The following ARNT variants were observed in gnomAD, a reference collection of about 807,000 sequenced individuals.
ARNT encodes class E basic helix-loop-helix protein 2.
A neutral mutation model predicts 105.0 loss-of-function variants in ARNT; 30 were observed. The ratio of observed to expected loss-of-function variants is 0.29; its 90% CI spans 0.21 to 0.39. ARNT has a LOEUF of 0.39. Among genes scored for constraint, ARNT ranks in the 10% least tolerant of loss-of-function variants. The probability of loss-of-function intolerance (pLI) is 1.00; values close to 1 mark genes in which losing one functional copy is unlikely to be tolerated. For synonymous variants in ARNT, 304 were observed against 344.0 expected, an observed-to-expected ratio of 0.88 and a Z score of 1.29; for missense variants, 748 against 978.7, an observed-to-expected ratio of 0.76 and a Z score of 3.15.
chr1:150,816,806 CG>C lies in ARNT; in HGVS notation c.1783del (p.Arg595GlyfsTer11), dbSNP rs2101605420. 3.8e-6 allele frequency: 6 copies of C among 1,582,122 alleles called. No individual in the cohort carries two copies. The highest frequency in any genetic ancestry group is 4.2e-5 in the Admixed American group (2 of 47,332). On this transcript the variant is annotated frameshift_variant, in exon 18 of 22. Transcript: ENST00000358595. LOFTEE classifies it high-confidence loss of function. ...SQGNTFPPTP[R>X]PAENFRNSGL... ...GGCTCACCTGAAATTCTCTGCCGGC[CG>C]GGGGGTAGGAGGGAATGTGTTGCCC... is the stretch of plus-strand genomic sequence containing the variant.
At chr1:150,876,118 G>A (rs1050302255) in intron 1 of ARNT, among the ~76,000 whole-genome samples, 1 of 152,252 alleles carries the variant, frequency 6.6e-6, no homozygotes, top group Non-Finnish European at 1.5e-5. Context: ...CTAAAGAGCA[G>A]TGTGGTCCAG....
At chr1:150,870,827 C>T (rs1020239407) in intron 1 of ARNT, among the ~76,000 whole-genome samples, 1 of 151,664 alleles carries the variant, frequency 6.6e-6, no homozygotes, top group Non-Finnish European at 1.5e-5. Flanking sequence ...ACTGTTGAAT[C>T]CATAAACTTA....
chr1:150,821,828 C>CTTTTT (rs367766946), intron 14 of ARNT, among the ~76,000 whole-genome samples: 14 of 114,896 alleles, frequency 1.2e-4, no homozygotes, highest in East Asian at 2.4e-4. Context: ...TTTGTATTTT[C>CTTTTT]TTTTTTTTTT....
rs1017535260 is a variant in ARNT, at chr1:150,811,483, C to T, written c.*538G>A. ...GCACACACACACACACACACATACA[C>T]ACACACTCTCTCTCACTTACTCACA... is the stretch of plus-strand genomic sequence containing the variant. On this transcript the variant is annotated 3_prime_UTR_variant, in exon 22 of 22. Transcript: ENST00000358595. 25 of 218,282 alleles carry T rather than the reference C, an allele frequency of 1.1e-4. No homozygotes were observed. The highest frequency in any genetic ancestry group is 6.3e-4 in the African/African-American group (23 of 36,382). The allele number at this position is 218,282 out of a possible 1,614,324, so 13.5% of individuals were successfully genotyped here. A position where few individuals can be genotyped will look rare whatever the true frequency, so the allele number is the denominator to read the frequency against.
intron 2 of ARNT, among the ~76,000 whole-genome samples, chr1:150,855,434 C>T (rs187593675): frequency 2.0e-5 from 3 of 151,664 alleles, no homozygotes; most frequent in African/African-American, 4.8e-5. Context: ...TGGTGGTGGA[C>T]GCCTGTAGTC....
At chr1:150,868,873 G>C (rs918096177) in intron 1 of ARNT, among the ~76,000 whole-genome samples, 7 of 151,578 alleles carry the variant, frequency 4.6e-5, no homozygotes, top group African/African-American at 1.7e-4. Context: ...ACTCCAGCCT[G>C]GGTGACAAAG....
intron 8 of ARNT, among the ~76,000 whole-genome samples, chr1:150,833,958 G>C (rs1659812852): frequency 6.7e-6 from 1 of 149,468 alleles, no homozygotes; most frequent in Non-Finnish European, 1.5e-5. Context: ...TTTTGAGACA[G>C]AGTTTCACTC....
At chr1:150,828,354 T>G (rs1444555529) in intron 12 of ARNT, among the ~76,000 whole-genome samples, 9 of 148,162 alleles carry the variant, frequency 6.1e-5, no homozygotes, top group Admixed American at 4.7e-4. Context: ...TTTTTTGTTT[T>G]TTTTTTTTTT....
intron 1 of ARNT, among the ~76,000 whole-genome samples, chr1:150,871,294 GTTTTTT>G (rs754698911): frequency 3.2e-5 from 3 of 94,676 alleles, no homozygotes; most frequent in South Asian, 5.1e-4. Context: ...GGCAGTCGTG[GTTTTTT>G]TTTTTTTTTT....
chr1:150,812,039 A>G lies in ARNT; in HGVS notation c.2352T>C (p.Phe784=), dbSNP rs1654826233. The part of the protein sequence containing the change: ...NNEEFPDLTM[F]PPFSE ...AATAGTTCTATTCTGAAAAGGGGGG[A>G]AACATAGTTAGATCAGGGAATTCTT... The change falls in exon 22 of 22, where the codon TTT becomes TTC. Residue 784 remains phenylalanine (F), a synonymous_variant. Coordinates refer to ENST00000358595, the MANE Select transcript of ARNT (RefSeq NM_001668.4). 1.9e-6 allele frequency: 3 copies of G among 1,566,000 alleles called. No individual in the cohort carries two copies. Among genetic ancestry groups the G allele is most frequent in the Non-Finnish European group, 2.6e-6 (3 of 1,152,450 alleles).
At position 150,818,044 on chromosome 1, in the gene ARNT, G is replaced by T; in HGVS notation, c.1395-14C>A. ...TGGCTAGAGTTCCTAGGAAACCAGA[G>T]TAGACAGTAAAGAGGGGGTGGAGAG... On this transcript the variant is annotated splice_polypyrimidine_tract_variant and intron_variant, in intron 14 of 21. Coordinates refer to ENST00000358595, the MANE Select transcript of ARNT (RefSeq NM_001668.4). 1 of 1,572,572 alleles carries T rather than the reference G, an allele frequency of 6.4e-7. No individual in the cohort carries two copies. Among genetic ancestry groups the T allele is most frequent in the South Asian group, 1.1e-5 (1 of 88,946 alleles).
At chr1:150,846,367 G>T in intron 3 of ARNT, 60 bp from the exon 4 acceptor site, 1 of 1,539,742 alleles carries the variant, frequency 6.5e-7, no homozygotes, top group South Asian at 1.2e-5. Context: ...ATTTCACTCT[G>T]AAAAGTAAAC....
At chr1:150,835,162 GA>G (rs1405615145) in intron 7 of ARNT, among the ~76,000 whole-genome samples, 1 of 145,210 alleles carries the variant, frequency 6.9e-6, no homozygotes, top group African/African-American at 2.5e-5. Context: ...AGAATAAAAA[GA>G]AAAAATTTTA....
At position 150,810,387 on chromosome 1, in the gene ARNT, T is replaced by C. The variant is rs1482320217; in HGVS notation, c.*1634A>G. ...CCATTGGAAACTCAACTTTTTGGTTTCGTAAATTGTGATATAAATATATAT... is the reference window on the plus strand; with the variant it reads ...CCATTGGAAACTCAACTTTTTGGTTCCGTAAATTGTGATATAAATATATAT... On this transcript the variant is annotated 3_prime_UTR_variant, in exon 22 of 22. Coordinates refer to ENST00000358595, the MANE Select transcript of ARNT (RefSeq NM_001668.4). 1.3e-5 allele frequency: 3 copies of C among 224,122 alleles called. No homozygotes were observed. Among genetic ancestry groups the C allele is most frequent in the Non-Finnish European group, 2.7e-5 (3 of 112,062 alleles). 13.9% of individuals were successfully genotyped at this position (224,122 alleles called of 1,614,324 possible).
At chr1:150,840,892 G>C (rs148796096) in intron 5 of ARNT, among the ~76,000 whole-genome samples, 10 of 151,406 alleles carry the variant, frequency 6.6e-5, no homozygotes, top group African/African-American at 2.4e-4. Flanking sequence ...AGATAATCAT[G>C]CAACATGCTG....
rs587691891 is a variant in ARNT, at chr1:150,867,259, G to A, written c.26-8799C>T. Among the ~76,000 whole-genome samples the A allele has an allele frequency of 7.9e-5, 12 of 151,306 alleles. No individual in the cohort carries two copies. In the South Asian group the frequency reaches 1.3e-3, roughly 16 times the overall value. ...GATTACTCAAATAGAGCTGGGCATC[G>A]TGTCATACACCTATAATCCCAGCTA... is the stretch of plus-strand genomic sequence containing the variant. On this transcript the variant is annotated intron_variant, in intron 1 of 21. Transcript: ENST00000358595.
chr1:150,835,238 T>C (rs1233028686), intron 7 of ARNT, among the ~76,000 whole-genome samples: 2 of 152,086 alleles, frequency 1.3e-5, no homozygotes, highest in Admixed American at 1.3e-4. Flanking sequence ...TCTTCTTTAT[T>C]ATACAGAAAC....
intron 13 of ARNT, among the ~76,000 whole-genome samples, chr1:150,824,458 CTTTTTTTTTT>C: frequency 7.2e-6 from 1 of 138,592 alleles, no homozygotes; most frequent in East Asian, 2.1e-4. Context: ...TTTTCTTTTT[CTTTTTTTTTT>C]TTTTTGAGAT....
chr1:150,870,289 T>A (rs1397741181), intron 1 of ARNT, among the ~76,000 whole-genome samples: 3 of 152,126 alleles, frequency 2.0e-5, no homozygotes, highest in Admixed American at 6.5e-5. Context: ...TTATTATAGT[T>A]AGTACAAATT....
Sources: allele counts gnomAD v4.1 joint callset (sites outside exome capture counted in the v4.1 genomes callset), GRCh38; gene constraint gnomAD v4.1.1; transcripts MANE v1.5; gene names NCBI Gene and HGNC (gene_info 2026-07-23, HGNC 2026-07-21).